The following ATP7B variants were observed in gnomAD, a reference collection of about 807,000 sequenced individuals.
ATP7B encodes ATPase copper transporting beta.
Under a neutral mutation model 118.9 loss-of-function variants are expected in ATP7B, and 113 were observed. That is an observed-to-expected ratio of 0.95 (90% CI 0.82 to 1.11). The LOEUF (loss-of-function observed/expected upper bound fraction) is 1.11, where lower values mean the gene tolerates loss of function less well. Ranked by LOEUF, ATP7B falls within the 50% of genes most tolerant of loss-of-function variation. The probability of loss-of-function intolerance (pLI) is 0.00; values close to 1 mark genes in which losing one functional copy is unlikely to be tolerated. For missense variants in ATP7B, 1,867 were observed against 1,871.4 expected (o/e 1.00, Z 0.04); for synonymous variants, 777 against 727.4 (o/e 1.07, Z -1.10).
chr13:51,948,563 A>G (rs1474618752), intron 12 of ATP7B, among the ~76,000 whole-genome samples: 1 of 152,106 alleles, frequency 6.6e-6, no homozygotes, highest in Non-Finnish European at 1.5e-5. Flanking sequence ...CAAGGTTTCA[A>G]CCTCAGTGCT....
chr13:51,937,448 C>G (rs1346674344), intron 18 of ATP7B, 28 bp downstream of exon 18: 3 of 1,614,040 alleles, frequency 1.9e-6, no homozygotes, highest in Non-Finnish European at 1.7e-6. Flanking sequence ...CCTCCCAGCA[C>G]CCACAGCCTG....
intron 15 of ATP7B, among the ~76,000 whole-genome samples, chr13:51,941,844 C>T (rs199822600): frequency 9.8e-6 from 1 of 102,444 alleles, no homozygotes; most frequent in Non-Finnish European, 2.3e-5. Flanking sequence ...AATTTCACTA[C>T]CAACACTTAG....
chr13:51,966,796 T>G, intron 4 of ATP7B: 1 of 1,610,658 alleles, frequency 6.2e-7, no homozygotes, highest in East Asian at 2.2e-5. Context: ...CAGCAAAGGC[T>G]TTGATGAATA....
rs955104750 is a variant in ATP7B at position 51,944,200 on chromosome 13, A to C, written c.3152T>G (p.Leu1051Arg). ...RVLLLGDVATLPLRKVLAVVG... is the reference protein window; with the variant it reads ...RVLLLGDVATRPLRKVLAVVG... ...CACAGCCAGAACCTTCCTGAGGGGC[A>C]GTGTGGCCACATCCCCCAGCAGGAG... The change falls in exon 14 of 21, where the codon CTG becomes CGG. Residue 1051 changes from leucine to arginine, a missense_variant. Physicochemically the swap from Leu to Arg is moderately radical, Grantham distance 102. Coordinates refer to ENST00000242839, the MANE Select transcript of ATP7B (RefSeq NM_000053.4). The C allele has an allele frequency of 2.5e-6, 4 of 1,614,060 alleles. No individual in the cohort carries two copies. In the Admixed American group the frequency reaches 5.0e-5, roughly 20 times the overall value.
chr13:51,981,570 G>A (rs939025707), intron 1 of ATP7B, among the ~76,000 whole-genome samples: 2 of 152,082 alleles, frequency 1.3e-5, no homozygotes, highest in African/African-American at 4.8e-5. Context: ...TCACAGGGGA[G>A]GGCACAGGTC....
At chr13:52,011,465 T>G (rs73184332), upstream of ATP7B, 11 of 650,306 alleles carry the variant, frequency 1.7e-5, no homozygotes, top group Non-Finnish European at 2.7e-5. Flanking sequence ...TCGGCGCGGC[T>G]CGGCTCTAAA....
At chr13:51,970,861 C>A in intron 2 of ATP7B, 112 bp from the exon 3 acceptor site, 14 of 956,990 alleles carry the variant, frequency 1.5e-5, no homozygotes, top group Admixed American at 7.1e-5. Context: ...TCCCACCGAG[C>A]AGCCTCAGCC....
chr13:52,007,174 G>A (rs183449178), intron 1 of ATP7B, among the ~76,000 whole-genome samples: 4 of 152,148 alleles, frequency 2.6e-5, no homozygotes, highest in Non-Finnish European at 4.4e-5. Flanking sequence ...TTTTTTAAAC[G>A]GTAAAAACCC....
intron 12 of ATP7B, among the ~76,000 whole-genome samples, chr13:51,948,873 T>G (rs563383790): frequency 1.2e-4 from 19 of 152,262 alleles, no homozygotes; most frequent in African/African-American, 4.3e-4. Context: ...TAGTAAATAT[T>G]TAACTATTAT....
rs776135837 is a variant in ATP7B at position 51,970,711 on chromosome 13, C to A, written c.1324G>T (p.Gly442Trp). Reference sequence around the variant, plus strand: ...TCTGTAGTTTGCACCATGGAATTCCCAGCACTGTGGTTTCCAAGAGGGTTA... The same window carrying A: ...TCTGTAGTTTGCACCATGGAATTCCAAGCACTGTGGTTTCCAAGAGGGTTA... ...STNPLGNHSA[G>W]NSMVQTTDGT... is the part of the protein sequence containing the mutation. The change falls in exon 3 of 21, where the codon GGG (glycine) becomes TGG (tryptophan). Residue 442 changes from glycine (G) to tryptophan (W), a missense_variant. Gly to Trp is a radical substitution (Grantham distance 184). Transcript: ENST00000242839. 2.5e-6 allele frequency: 4 copies of A among 1,614,114 alleles called. No individual in the cohort carries two copies. The East Asian group carries it at 8.9e-5, about 36-fold the overall frequency.
intron 7 of ATP7B, chr13:51,958,807 A>G: frequency 1.9e-6 from 1 of 518,078 alleles, no homozygotes; most frequent in Non-Finnish European, 3.5e-6. Context: ...AGAATGGTGA[A>G]AAGTTGGGGA....
intron 1 of ATP7B, among the ~76,000 whole-genome samples, chr13:51,993,623 T>G (rs996182925): frequency 6.6e-6 from 1 of 152,206 alleles, no homozygotes; most frequent in Non-Finnish European, 1.5e-5. Flanking sequence ...TGTGCTCAGA[T>G]AGATTACTGG....
chr13:51,972,171 C>T (rs1474517277), intron 2 of ATP7B, among the ~76,000 whole-genome samples: 1 of 152,192 alleles, frequency 6.6e-6, no homozygotes, highest in Admixed American at 6.5e-5. Flanking sequence ...TATCCCTAAT[C>T]TAAGCTACTA....
chr13:52,005,799 T>C (rs1193577906), intron 1 of ATP7B, among the ~76,000 whole-genome samples: 2 of 152,196 alleles, frequency 1.3e-5, no homozygotes, highest in Non-Finnish European at 2.9e-5. Flanking sequence ...CCAATTTCTA[T>C]CTTAGTCCCT....
At chr13:52,010,241 G>A (rs9535834) in intron 1 of ATP7B, among the ~76,000 whole-genome samples, 152,220 of 152,328 alleles carry the variant, frequency 1, 76,056 homozygotes, top group Middle Eastern at 1. Flanking sequence ...CCACTAATCC[G>A]TTAGTTTTCA....
At chr13:51,949,943 A>G (rs41292786) in intron 11 of ATP7B, 64 bp downstream of exon 11, 25 of 1,613,316 alleles carry the variant, frequency 1.5e-5, no homozygotes, top group Middle Eastern at 1.6e-4. Context: ...CTGATTTCCC[A>G]GAACTCTTCA....
At chr13:51,997,793 G>A (rs1953284625) in intron 1 of ATP7B, among the ~76,000 whole-genome samples, 1 of 152,224 alleles carries the variant, frequency 6.6e-6, no homozygotes, top group African/African-American at 2.4e-5. Context: ...ATCACAGCAG[G>A]TGACAAAAAG....
chr13:51,988,563 C>A (rs1566639441), intron 1 of ATP7B, among the ~76,000 whole-genome samples: 1 of 152,070 alleles, frequency 6.6e-6, no homozygotes, highest in Non-Finnish European at 1.5e-5. Flanking sequence ...TGGGTATATA[C>A]CCAGAGGATT....
At position 51,946,440 on chromosome 13, in the gene ATP7B, G is replaced by A. The variant is rs1404055283; in HGVS notation, c.2904C>T (p.Ile968=). The stretch of plus-strand genomic sequence containing the variant: ...TGATGGACGTCTGGAAAGCAAACCG[G>A]ATGATCACCTCTGTCTGGGAGATGT... ...NKHISQTEVI[I]RFAFQTSITV... Residue 968 remains isoleucine (I), a synonymous_variant, in exon 13 of 21, where the codon ATC becomes ATT. Coordinates refer to ENST00000242839, the MANE Select transcript of ATP7B (RefSeq NM_000053.4). 1.2e-6 allele frequency: 2 copies of A among 1,614,240 alleles called. No homozygotes were observed. The highest frequency in any genetic ancestry group is 4.5e-5 in the East Asian group (2 of 44,892).
Sources: allele counts gnomAD v4.1 joint callset (sites outside exome capture counted in the v4.1 genomes callset), GRCh38; gene constraint gnomAD v4.1.1; transcripts MANE v1.5; gene names NCBI Gene and HGNC (gene_info 2026-07-23, HGNC 2026-07-21).